BRI3: variants seen among roughly 807,000 people sequenced by gnomAD.
BRI3 encodes the protein membrane protein BRI3.
Under a neutral mutation model 12.8 loss-of-function variants are expected in BRI3, and 6 were observed. The ratio of observed to expected loss-of-function variants is 0.47; its 90% confidence interval spans 0.26 to 0.93. The LOEUF (loss-of-function observed/expected upper bound fraction) is 0.93, where lower values mean the gene tolerates loss of function less well. BRI3 is among the 40% of genes least tolerant of loss of function. The pLI is 0.15. For missense variants in BRI3, 134 were observed against 171.1 expected (o/e 0.78, Z 1.21); for synonymous variants, 91 against 76.1 (o/e 1.20, Z -1.02).
downstream of BRI3, among the ~76,000 whole-genome samples, chr7:98,295,085 AG>A (rs1800130325): frequency 6.6e-6 from 1 of 152,158 alleles, no homozygotes; most frequent in Non-Finnish European, 1.5e-5. Context: ...CAGCACCCCC[AG>A]GGGGTCTCAG....
At chr7:98,320,481 T>C in the BRI3 span, among the ~76,000 whole-genome samples, 14 of 152,152 alleles carry the variant, frequency 9.2e-5, no homozygotes, top group Admixed American at 8.5e-4. Flanking sequence ...ATTACAGGTG[T>C]GCATCACCAT....
intron 1 of BRI3, 79 bp from the exon 2 acceptor site, chr7:98,282,272 G>A (rs1272439229): frequency 1.6e-5 from 20 of 1,229,242 alleles, no homozygotes; most frequent in Middle Eastern, 2.1e-4. Context: ...GGTGGAGGTT[G>A]AGGGGACAGG....
chr7:98,315,382 CACGGCCCAGCCTTCT>C (rs1477429171), downstream of BRI3: 2 of 1,284,100 alleles, frequency 1.6e-6, no homozygotes, highest in Non-Finnish European at 2.0e-6. Context: ...AGGCGTGGGC[CACGGCCCAGCCTTCT>C]GGGGCATTTA....
chr7:98,304,155 C>T (rs775439741), upstream of BRI3: 45 of 1,505,174 alleles, frequency 3.0e-5, no homozygotes, highest in Admixed American at 1.9e-4. Context: ...TCGGGGATGG[C>T]GAGTCCAGGA....
chr7:98,317,292 G>T, the BRI3 span: 6 of 1,614,132 alleles, frequency 3.7e-6, no homozygotes, highest in Non-Finnish European at 5.1e-6. Flanking sequence ...CTTCAACTCA[G>T]CTTGGGATTT....
chr7:98,320,072 C>T, the BRI3 span: 19 of 1,613,262 alleles, frequency 1.2e-5, no homozygotes, highest in African/African-American at 8.0e-5. Flanking sequence ...ATATATTTCA[C>T]GTCAAGTTCT....
downstream of BRI3, among the ~76,000 whole-genome samples, chr7:98,314,765 G>A (rs892219407): frequency 7.9e-5 from 12 of 152,088 alleles, no homozygotes; most frequent in South Asian, 2.1e-4. Flanking sequence ...ATCTCAAATC[G>A]CCCAGGTGGG....
chr7:98,292,843 G>A (rs1370144256), downstream of BRI3: 27 of 1,464,148 alleles, frequency 1.8e-5, no homozygotes, highest in East Asian at 3.0e-4. Flanking sequence ...ATCCGTTGGC[G>A]ACTCCTAACT....
chr7:98,292,935 T>G, downstream of BRI3: 2 of 1,319,142 alleles, frequency 1.5e-6, no homozygotes, highest in Non-Finnish European at 9.7e-7. Flanking sequence ...GTCTTAGCAC[T>G]CTACAGCTCT....
upstream of BRI3, among the ~76,000 whole-genome samples, chr7:98,302,247 C>T (rs736754): frequency 0.4 from 61,139 of 152,054 alleles, 13,412 homozygotes; most frequent in Middle Eastern, 0.54. Context: ...AAGCTTTATC[C>T]ACACGATAAA....
chr7:98,284,386 C>T (rs1799638705), intron 2 of BRI3, among the ~76,000 whole-genome samples: 2 of 152,198 alleles, frequency 1.3e-5, no homozygotes, highest in Admixed American at 1.3e-4. Context: ...ATGGGATGGG[C>T]CCCTGTGCCC....
downstream of BRI3, among the ~76,000 whole-genome samples, chr7:98,297,421 C>T (rs2116798413): frequency 6.6e-6 from 1 of 152,312 alleles, no homozygotes; most frequent in East Asian, 1.9e-4. Context: ...GCAGAGAATG[C>T]TGGTGGCCCT....
chr7:98,312,170 T>A (rs1466357156), downstream of BRI3: 1 of 1,614,150 alleles, frequency 6.2e-7, no homozygotes, highest in East Asian at 2.2e-5. Context: ...GGTCTTTATT[T>A]CTTCGATCAT....
chr7:98,298,622 C>CA (rs949069361), intron 1 of BRI3, among the ~76,000 whole-genome samples: 5 of 151,510 alleles, frequency 3.3e-5, no homozygotes, highest in African/African-American at 9.7e-5. Context: ...CAAAACAAAA[C>CA]AAAAAAAACA....
At chr7:98,313,128 CCCACCCCCAACT>C (rs1800933276), downstream of BRI3, among the ~76,000 whole-genome samples, 1 of 9,276 alleles carries the variant, frequency 1.1e-4, no homozygotes, top group Admixed American at 1.1e-3. Flanking sequence ...CAAATGCCAC[CCCACCCCCAACT>C]GTCACCCCAC....
At chr7:98,289,285 G>A (rs1371853392) in intron 2 of BRI3, among the ~76,000 whole-genome samples, 4 of 152,214 alleles carry the variant, frequency 2.6e-5, no homozygotes, top group East Asian at 3.8e-4. Flanking sequence ...TGGAAAGCCC[G>A]ACTTCAGAAT....
At chr7:98,311,855 G>A (rs547853653), downstream of BRI3, among the ~76,000 whole-genome samples, 2 of 152,088 alleles carry the variant, frequency 1.3e-5, no homozygotes, top group Admixed American at 6.6e-5. Flanking sequence ...GCAGTGAGCC[G>A]AGATCACTCC....
downstream of BRI3, among the ~76,000 whole-genome samples, chr7:98,312,598 G>A (rs565731060): frequency 6.6e-6 from 1 of 152,270 alleles, no homozygotes; most frequent in African/African-American, 2.4e-5. Context: ...CGTTTTCCAG[G>A]TGGCCCCAGA....
upstream of BRI3, chr7:98,304,451 G>T: frequency 6.8e-7 from 1 of 1,469,976 alleles, no homozygotes; most frequent in South Asian, 1.2e-5. Flanking sequence ...CTGTGTCCCT[G>T]ACCAAGGACA....
Sources: allele counts gnomAD v4.1 joint callset (sites outside exome capture counted in the v4.1 genomes callset), GRCh38; gene constraint gnomAD v4.1.1; transcripts MANE v1.5; gene names NCBI Gene and HGNC (gene_info 2026-07-23, HGNC 2026-07-21).